TENM2: variants seen among roughly 807,000 people sequenced by gnomAD.
TENM2 encodes teneurin transmembrane protein 2.
TENM2 carries 52 observed loss-of-function variants against 245.2 expected under a neutral mutation model. That is an observed-to-expected ratio of 0.21 (90% CI 0.17 to 0.27). The LOEUF is 0.27. Among genes scored for constraint, TENM2 ranks in the 10% least tolerant of loss-of-function variants. TENM2 has a pLI of 1.00. For missense variants in TENM2, 3,046 were observed against 3,666.8 expected, an observed-to-expected ratio of 0.83 and a Z score of 4.37; for synonymous variants, 1,363 against 1,438.9, an observed-to-expected ratio of 0.95 and a Z score of 1.19.
the TENM2 span, among the ~76,000 whole-genome samples, chr5:167,109,137 AG>A: frequency 6.6e-6 from 1 of 152,204 alleles, no homozygotes; most frequent in Non-Finnish European, 1.5e-5. Flanking sequence ...AAAACTTTAT[AG>A]TATTTTTACT....
intron 2 of TENM2, among the ~76,000 whole-genome samples, chr5:167,763,547 A>G (rs901753370): frequency 6.6e-6 from 1 of 152,214 alleles, no homozygotes; most frequent in African/African-American, 2.4e-5. Flanking sequence ...AAGAAAAGAA[A>G]AAAAGATGCT....
chr5:167,519,407 G>A (rs933203562), intron 2 of TENM2, among the ~76,000 whole-genome samples: 1 of 151,908 alleles, frequency 6.6e-6, no homozygotes, highest in African/African-American at 2.4e-5. Context: ...TTATATAGTA[G>A]GAATATTAAG....
chr5:168,245,733 G>A (rs1265196640), intron 26 of TENM2, among the ~76,000 whole-genome samples: 5 of 151,936 alleles, frequency 3.3e-5, no homozygotes. Context: ...TCATTACAGC[G>A]GTGACTTGCA....
chr5:166,992,275 G>T, the TENM2 span, among the ~76,000 whole-genome samples: 51 of 152,118 alleles, frequency 3.4e-4, no homozygotes, highest in Admixed American at 6.6e-5. Flanking sequence ...CTAGCCAGAG[G>T]AATAGTTGTC....
At chr5:167,922,266 T>C (rs1278615948) in intron 3 of TENM2, among the ~76,000 whole-genome samples, 3 of 152,132 alleles carry the variant, frequency 2.0e-5, no homozygotes, top group Non-Finnish European at 4.4e-5. Context: ...GTACACTGAC[T>C]GTGTCCCTGG....
At chr5:167,324,759 TATG>T (rs755370577) in intron 1 of TENM2, among the ~76,000 whole-genome samples, 2 of 152,196 alleles carry the variant, frequency 1.3e-5, no homozygotes, top group African/African-American at 2.4e-5. Flanking sequence ...ATATTACTAA[TATG>T]ATAATAATCA....
chr5:167,584,121 A>T (rs2127689278), intron 2 of TENM2, among the ~76,000 whole-genome samples: 1 of 152,328 alleles, frequency 6.6e-6, no homozygotes, highest in East Asian at 1.9e-4. Flanking sequence ...CCTGACTACA[A>T]GTCATTCATG....
At chr5:167,210,817 A>G in the TENM2 span, among the ~76,000 whole-genome samples, 1 of 152,202 alleles carries the variant, frequency 6.6e-6, no homozygotes, top group Non-Finnish European at 1.5e-5. Context: ...AAGTTTAAGC[A>G]TACAGTTCAC....
chr5:167,141,126 T>A, the TENM2 span, among the ~76,000 whole-genome samples: 1 of 152,182 alleles, frequency 6.6e-6, no homozygotes, highest in Non-Finnish European at 1.5e-5. Flanking sequence ...ATTTTACCCA[T>A]GTGGAAATGT....
chr5:168,099,723 C>A (rs1308701053), intron 9 of TENM2, among the ~76,000 whole-genome samples: 1 of 152,148 alleles, frequency 6.6e-6, no homozygotes, highest in Non-Finnish European at 1.5e-5. Flanking sequence ...TTCAAATAGT[C>A]TCAATATTTC....
intron 2 of TENM2, among the ~76,000 whole-genome samples, chr5:167,694,196 A>G (rs1440249006): frequency 1.3e-5 from 2 of 152,118 alleles, no homozygotes. Flanking sequence ...GAGCCCATTT[A>G]ACATCTTGTG....
chr5:167,464,356 G>A (rs374960305), intron 2 of TENM2, among the ~76,000 whole-genome samples: 4 of 152,218 alleles, frequency 2.6e-5, no homozygotes, highest in African/African-American at 7.2e-5. Context: ...CTACAACCTC[G>A]TATTACCATA....
chr5:167,438,856 C>T (rs905223273), intron 2 of TENM2, among the ~76,000 whole-genome samples: 2 of 152,054 alleles, frequency 1.3e-5, no homozygotes, highest in African/African-American at 2.4e-5. Context: ...TGCAATGGCA[C>T]GATCTCAGCT....
At chr5:167,216,857 G>C in the TENM2 span, among the ~76,000 whole-genome samples, 1 of 152,000 alleles carries the variant, frequency 6.6e-6, no homozygotes, top group Non-Finnish European at 1.5e-5. Flanking sequence ...AGCTCAGGAG[G>C]AGGAGGTTGC....
the TENM2 span, among the ~76,000 whole-genome samples, chr5:167,189,146 G>A: frequency 6.6e-6 from 1 of 152,128 alleles, no homozygotes; most frequent in African/African-American, 2.4e-5. Context: ...AGATGGAAGT[G>A]ACAATACAGT....
chr5:167,451,859 C>T (rs1765606934), intron 2 of TENM2, among the ~76,000 whole-genome samples: 1 of 152,056 alleles, frequency 6.6e-6, no homozygotes, highest in East Asian at 1.9e-4. Flanking sequence ...CAGTGTTAGC[C>T]AGAATGGTCT....
chr5:167,254,314 G>A, the TENM2 span, among the ~76,000 whole-genome samples: 1 of 152,114 alleles, frequency 6.6e-6, no homozygotes, highest in Non-Finnish European at 1.5e-5. Flanking sequence ...ACAAAGCCCA[G>A]GAAAGAAAGG....
chr5:167,084,064 A>C, the TENM2 span, among the ~76,000 whole-genome samples: 1 of 152,004 alleles, frequency 6.6e-6, no homozygotes, highest in Admixed American at 6.6e-5. Context: ...GCCATTTATA[A>C]GATAGTTCTG....
chr5:168,128,161 G>C (rs11951377), intron 12 of TENM2, among the ~76,000 whole-genome samples: 45,795 of 152,204 alleles, frequency 0.3, 7,365 homozygotes, highest in East Asian at 0.62. Context: ...CCATAGCACT[G>C]GGACCCTGCT....
Sources: allele counts gnomAD v4.1 joint callset (sites outside exome capture counted in the v4.1 genomes callset), GRCh38; gene constraint gnomAD v4.1.1; transcripts MANE v1.5; gene names NCBI Gene and HGNC (gene_info 2026-07-23, HGNC 2026-07-21).